The following DYM variants were observed in gnomAD, a reference collection of about 807,000 sequenced individuals.
The protein encoded by DYM is dyggve-Melchior-Clausen syndrome protein.
A neutral mutation model predicts 93.1 loss-of-function variants in DYM; 78 were observed. The ratio of observed to expected loss-of-function variants is 0.84; its 90% CI spans 0.70 to 1.01. The LOEUF is 1.01. DYM is among the 50% of genes least tolerant of loss of function. DYM has a pLI of 0.00. For synonymous variants in DYM, 321 were observed against 319.7 expected, an observed-to-expected ratio of 1.00 and a Z score of -0.04; for missense variants, 789 against 845.0, an observed-to-expected ratio of 0.93 and a Z score of 0.82.
At chr18:49,372,210 A>AT (rs1028561352) in intron 5 of DYM, among the ~76,000 whole-genome samples, 2 of 152,156 alleles carry the variant, frequency 1.3e-5, no homozygotes, top group Non-Finnish European at 2.9e-5. Context: ...GTGATGCTCC[A>AT]TTTTTCCCCC....
chr18:49,169,023 C>T (rs1393828838), intron 14 of DYM, among the ~76,000 whole-genome samples: 1 of 152,168 alleles, frequency 6.6e-6, no homozygotes, highest in Non-Finnish European at 1.5e-5. Flanking sequence ...AAGAAGGCCA[C>T]ATGGACCATG....
intron 13 of DYM, among the ~76,000 whole-genome samples, chr18:49,234,963 G>A (rs948334556): frequency 6.6e-6 from 1 of 152,126 alleles, no homozygotes; most frequent in Non-Finnish European, 1.5e-5. Flanking sequence ...GAAGGCAAGG[G>A]GGAACTCAGT....
chr18:49,381,672 C>T (rs201910573), intron 3 of DYM, among the ~76,000 whole-genome samples: 25 of 152,310 alleles, frequency 1.6e-4, no homozygotes, highest in East Asian at 7.7e-4. Context: ...GCATCTCTAC[C>T]GTTCCCCAGT....
At position 49,236,255 on chromosome 18, in the gene DYM, C is replaced by T. The variant is rs141080628; in HGVS notation, c.1460+20755G>A. On this transcript the variant is annotated intron_variant, in intron 13 of 17. Transcript: ENST00000675505. The stretch of plus-strand genomic sequence containing the variant: ...CAGCACCTTGAGAGGCTGAGATGGG[C>T]GGATCACCAGATCAGGAGATTGAGA... Among the ~76,000 whole-genome samples the T allele has an allele frequency of 3.3e-4, 50 of 152,152 alleles. 1 individual carries two copies. In the East Asian group the frequency reaches 9.7e-3, roughly 29 times the overall value.
chr18:49,319,824 T>A (rs926289180), intron 8 of DYM, among the ~76,000 whole-genome samples: 4 of 152,132 alleles, frequency 2.6e-5, no homozygotes, highest in Middle Eastern at 3.2e-3. Flanking sequence ...CTTCTCTCCC[T>A]CTCTTCCTTT....
chr18:49,315,919 T>C (rs1331184884), intron 8 of DYM, among the ~76,000 whole-genome samples: 1 of 151,798 alleles, frequency 6.6e-6, no homozygotes, highest in African/African-American at 2.4e-5. Flanking sequence ...TTTAGAAATA[T>C]AATGGAAGTG....
chr18:49,286,680 G>A (rs375286663), intron 8 of DYM, 64 bp from the exon 9 acceptor site: 2 of 1,464,558 alleles, frequency 1.4e-6, no homozygotes, highest in East Asian at 2.4e-5. Flanking sequence ...TTTCTGTAAA[G>A]TATTCTGTGT....
intron 11 of DYM, 136 bp downstream of exon 11, chr18:49,272,042 G>T (rs2094716304): frequency 7.0e-5 from 38 of 543,312 alleles, no homozygotes; most frequent in East Asian, 1.0e-4. Flanking sequence ...TCATAAATCT[G>T]AAGAAAGACA....
At chr18:49,099,111 G>C (rs1192593823) in intron 16 of DYM, among the ~76,000 whole-genome samples, 1 of 152,100 alleles carries the variant, frequency 6.6e-6, no homozygotes, top group East Asian at 1.9e-4. Flanking sequence ...TATTTAAAAA[G>C]TAGGAGCATA....
intron 7 of DYM, among the ~76,000 whole-genome samples, chr18:49,332,411 T>A (rs1265238680): frequency 6.6e-6 from 1 of 152,124 alleles, no homozygotes; most frequent in Non-Finnish European, 1.5e-5. Flanking sequence ...CCACTTGAAC[T>A]CTTGAACTCC....
In DYM at chr18:49,397,952, C is replaced by A. The variant is rs9989530; in HGVS notation, c.141-6307G>T. Among the ~76,000 whole-genome samples, 217 of 152,172 alleles carry A rather than the reference C, an allele frequency of 1.4e-3. 1 individual carries two copies. The highest frequency in any genetic ancestry group is 4.9e-3 in the African/African-American group (204 of 41,528). ...ACCTTAAATTACAAATGTGGCTTAT[C>A]TTGTATTTCTGCTGGACAGAGCTGC... On this transcript the variant is annotated intron_variant, in intron 2 of 17. Transcript: ENST00000675505.
At chr18:49,289,012 T>C (rs1338847884) in intron 8 of DYM, among the ~76,000 whole-genome samples, 3 of 152,124 alleles carry the variant, frequency 2.0e-5, no homozygotes, top group African/African-American at 4.8e-5. Context: ...GCTATAGTCA[T>C]GTAAAAGTGT....
chr18:49,088,664 T>C (rs1174397298), intron 17 of DYM, among the ~76,000 whole-genome samples: 2 of 152,148 alleles, frequency 1.3e-5, no homozygotes, highest in Admixed American at 6.5e-5. Flanking sequence ...AGTACAAATA[T>C]TGTCAAACTC....
intron 3 of DYM, among the ~76,000 whole-genome samples, chr18:49,380,831 A>G (rs73445750): frequency 0.025 from 3,877 of 152,268 alleles, 153 homozygotes; most frequent in African/African-American, 0.087. Flanking sequence ...TCCTTGACCA[A>G]TGGTTTTCAA....
intron 8 of DYM, among the ~76,000 whole-genome samples, chr18:49,311,666 G>A (rs902945123): frequency 3.4e-5 from 5 of 147,256 alleles, no homozygotes; most frequent in African/African-American, 1.3e-4. Context: ...TCATAGGTGG[G>A]AACTGAACAA....
intron 2 of DYM, among the ~76,000 whole-genome samples, chr18:49,412,236 TAA>T (rs67065136): frequency 1.4e-4 from 19 of 135,092 alleles, no homozygotes; most frequent in East Asian, 4.6e-4. Flanking sequence ...AACATTGACT[TAA>T]AAAAAAAAAA....
chr18:49,234,544 C>T (rs963955003), intron 13 of DYM, among the ~76,000 whole-genome samples: 1 of 152,018 alleles, frequency 6.6e-6, no homozygotes, highest in African/African-American at 2.4e-5. Flanking sequence ...GCTTCCTGGA[C>T]CTAAGAAGGA....
chr18:49,109,377 A>T (rs997304116), intron 16 of DYM, among the ~76,000 whole-genome samples: 1 of 151,970 alleles, frequency 6.6e-6, no homozygotes, highest in Admixed American at 6.6e-5. Flanking sequence ...CTTACTACTT[A>T]TATTTCTATT....
At chr18:49,397,132 C>T (rs1266081606) in intron 2 of DYM, among the ~76,000 whole-genome samples, 1 of 152,132 alleles carries the variant, frequency 6.6e-6, no homozygotes, top group Non-Finnish European at 1.5e-5. Context: ...AATCATTACA[C>T]AATGTATAAT....
Sources: allele counts gnomAD v4.1 joint callset (sites outside exome capture counted in the v4.1 genomes callset), GRCh38; gene constraint gnomAD v4.1.1; transcripts MANE v1.5; gene names NCBI Gene and HGNC (gene_info 2026-07-23, HGNC 2026-07-21).